HSD17B6: variants seen among roughly 807,000 people sequenced by gnomAD.
HSD17B6 encodes 17-beta-hydroxysteroid dehydrogenase type 6.
Under a neutral mutation model 26.4 loss-of-function variants are expected in HSD17B6, and 16 were observed. That is an observed-to-expected ratio of 0.61 (90% confidence interval 0.41 to 0.92). The LOEUF (loss-of-function observed/expected upper bound fraction) is 0.92, where lower values mean the gene tolerates loss of function less well. Among genes scored for constraint, HSD17B6 ranks in the 40% least tolerant of loss-of-function variants. HSD17B6 has a pLI of 0.00. For missense variants in HSD17B6, 357 were observed against 386.1 expected (o/e 0.92, Z 0.63); for synonymous variants, 139 against 153.0 (o/e 0.91, Z 0.68).
In HSD17B6 at chr12:56,782,143, T is replaced by C; in HGVS notation, c.483T>C (p.Asn161=). 6.2e-7 allele frequency: 1 copy of C among 1,614,190 alleles called. No individual in the cohort carries two copies. The highest frequency in any genetic ancestry group is 8.5e-7 in the Non-Finnish European group (1 of 1,180,038). ...GGAGAGCACGGGGAAGAATTGTCAA[T>C]GTCTCCAGCATTCTGGGAAGAGTTG... ...LVRRARGRIV[N]VSSILGRVAF... Residue 161 remains asparagine, a synonymous_variant, in exon 3 of 5, where the codon AAT becomes AAC. Coordinates refer to ENST00000322165, the MANE Select transcript of HSD17B6 (RefSeq NM_003725.4).
chr12:56,765,212 G>A (rs1421509156), intron 1 of HSD17B6, among the ~76,000 whole-genome samples: 1 of 151,932 alleles, frequency 6.6e-6, no homozygotes, highest in African/African-American at 2.4e-5. Flanking sequence ...TGAGGCAGGC[G>A]GATCACGAGG....
rs1055897877 is a variant in HSD17B6, at chr12:56,774,727, T to C, written c.313+562T>C. On this transcript the variant is annotated intron_variant, in intron 2 of 4. Transcript: ENST00000322165. The stretch of plus-strand genomic sequence containing the variant: ...GCATTAGATTCTCAACAGGAGTGCA[T>C]AGGATATATCCCTGGCATGTGCAGT... 3.3e-5 allele frequency among the ~76,000 whole-genome samples: 5 copies of C among 152,180 alleles called. 1 individual carries two copies. Among genetic ancestry groups the C allele is most frequent in the Admixed American group, 1.3e-4 (2 of 15,284 alleles).
chr12:56,783,455 C>A (rs1393029420), intron 3 of HSD17B6, among the ~76,000 whole-genome samples: 2 of 141,646 alleles, frequency 1.4e-5, no homozygotes, highest in African/African-American at 5.3e-5. Flanking sequence ...AGAGGTGCCC[C>A]TCACCTCCCG....
At chr12:56,772,436 T>C (rs1954494315) in intron 1 of HSD17B6, among the ~76,000 whole-genome samples, 1 of 152,146 alleles carries the variant, frequency 6.6e-6, no homozygotes, top group South Asian at 2.1e-4. Flanking sequence ...GGCTCATGCC[T>C]GTAATCCCAG....
At chr12:56,778,585 C>T (rs748334060) in intron 2 of HSD17B6, among the ~76,000 whole-genome samples, 1 of 149,940 alleles carries the variant, frequency 6.7e-6, no homozygotes, top group Non-Finnish European at 1.5e-5. Flanking sequence ...CCTTTCTTCA[C>T]CAATTCTACT....
intron 2 of HSD17B6, among the ~76,000 whole-genome samples, chr12:56,781,119 CAG>C (rs772658867): frequency 3.5e-4 from 53 of 152,260 alleles, no homozygotes; most frequent in South Asian, 6.2e-4. Context: ...ACATTTCAAA[CAG>C]GGGGGCTTCT....
intron 4 of HSD17B6, chr12:56,785,943 T>C: frequency 2.0e-6 from 2 of 985,196 alleles, no homozygotes; most frequent in Non-Finnish European, 2.4e-6. Context: ...CAATTTCCTA[T>C]AAGAATATTA....
At chr12:56,773,577 C>T (rs933019689) in intron 1 of HSD17B6, among the ~76,000 whole-genome samples, 1 of 152,238 alleles carries the variant, frequency 6.6e-6, no homozygotes, top group Non-Finnish European at 1.5e-5. Context: ...ATCATTCCTT[C>T]TGTGCTAGGC....
chr12:56,783,820 A>AC (rs1395604070), intron 3 of HSD17B6, among the ~76,000 whole-genome samples: 2 of 105,002 alleles, frequency 1.9e-5, no homozygotes, highest in African/African-American at 3.7e-5. Context: ...GCGGGGGCTG[A>AC]CCCCCACCTC....
chr12:56,769,351 C>T (rs571506076), intron 1 of HSD17B6, among the ~76,000 whole-genome samples: 1 of 152,262 alleles, frequency 6.6e-6, no homozygotes, highest in East Asian at 1.9e-4. Flanking sequence ...ATCTGCCTGC[C>T]TCAGCTTCCC....
At chr12:56,767,472 G>A (rs997722317) in intron 1 of HSD17B6, among the ~76,000 whole-genome samples, 3 of 150,446 alleles carry the variant, frequency 2.0e-5, no homozygotes, top group Non-Finnish European at 4.4e-5. Flanking sequence ...AGCCGAGATC[G>A]CGCTACTGCA....
chr12:56,775,743 T>C (rs1291119944), intron 2 of HSD17B6, among the ~76,000 whole-genome samples: 2 of 152,184 alleles, frequency 1.3e-5, no homozygotes, highest in Admixed American at 1.3e-4. Context: ...CTTTGTATTA[T>C]ATAGTTCTGT....
intron 2 of HSD17B6, among the ~76,000 whole-genome samples, chr12:56,780,332 T>C (rs1005543140): frequency 6.6e-6 from 1 of 152,248 alleles, no homozygotes; most frequent in Non-Finnish European, 1.5e-5. Flanking sequence ...TTCAAAGACC[T>C]GTACTAACAT....
chr12:56,767,904 A>T (rs553446945), intron 1 of HSD17B6, among the ~76,000 whole-genome samples: 1 of 150,500 alleles, frequency 6.6e-6, no homozygotes, highest in South Asian at 2.1e-4. Context: ...TATACAATGT[A>T]TACACACACG....
chr12:56,781,834 T>G (rs1954720552), intron 2 of HSD17B6, 140 bp from the exon 3 acceptor site: 3 of 852,662 alleles, frequency 3.5e-6, no homozygotes, highest in Non-Finnish European at 5.5e-6. Flanking sequence ...AACTTGTATG[T>G]TATATCATTT....
At chr12:56,779,385 G>T (rs914146332) in intron 2 of HSD17B6, among the ~76,000 whole-genome samples, 1 of 152,132 alleles carries the variant, frequency 6.6e-6, no homozygotes, top group Non-Finnish European at 1.5e-5. Flanking sequence ...TGATCTTAAT[G>T]CCTCAGCTTC....
At chr12:56,784,289 G>A (rs2137933141) in intron 3 of HSD17B6, among the ~76,000 whole-genome samples, 1 of 152,260 alleles carries the variant, frequency 6.6e-6, no homozygotes, top group African/African-American at 2.4e-5. Context: ...GCCGGGCAGA[G>A]GCTGCAATCT....
At chr12:56,764,366 T>A (rs1954276396) in intron 1 of HSD17B6, among the ~76,000 whole-genome samples, 1 of 152,024 alleles carries the variant, frequency 6.6e-6, no homozygotes, top group Non-Finnish European at 1.5e-5. Context: ...GAGAGAGAGG[T>A]CCTCGCTTGA....
At chr12:56,772,248 T>C (rs561772780) in intron 1 of HSD17B6, among the ~76,000 whole-genome samples, 1 of 152,214 alleles carries the variant, frequency 6.6e-6, no homozygotes, top group Non-Finnish European at 1.5e-5. Context: ...TAATGCATTG[T>C]TGTCAGTCTT....
Sources: allele counts gnomAD v4.1 joint callset (sites outside exome capture counted in the v4.1 genomes callset), GRCh38; gene constraint gnomAD v4.1.1; transcripts MANE v1.5; gene names NCBI Gene and HGNC (gene_info 2026-07-23, HGNC 2026-07-21).